The following HSPA4 variants were observed in gnomAD, a reference collection of about 807,000 sequenced individuals.
HSPA4 encodes heat shock 70 kDa protein 4.
A neutral mutation model predicts 106.2 loss-of-function variants in HSPA4; 25 were observed. The observed-to-expected ratio is 0.24, with a 90% CI of 0.17 to 0.33. The LOEUF (loss-of-function observed/expected upper bound fraction) is 0.33. Among genes scored for constraint, HSPA4 ranks in the 10% least tolerant of loss-of-function variants. The pLI is 1.00. For synonymous variants in HSPA4, 332 were observed against 333.6 expected, an observed-to-expected ratio of 1.00 and a Z score of 0.05; for missense variants, 841 against 996.0, an observed-to-expected ratio of 0.84 and a Z score of 2.10.
At chr5:133,095,478 T>C (rs1349837489) in intron 13 of HSPA4, among the ~76,000 whole-genome samples, 1 of 152,216 alleles carries the variant, frequency 6.6e-6, no homozygotes, top group South Asian at 2.1e-4. Flanking sequence ...AGTGAGATGA[T>C]GTTAAATGAA....
At chr5:133,063,189 T>C (rs1765266466) in intron 1 of HSPA4, among the ~76,000 whole-genome samples, 1 of 151,962 alleles carries the variant, frequency 6.6e-6, no homozygotes, top group Non-Finnish European at 1.5e-5. Context: ...CTCAGGCTCC[T>C]GGGTTCAGGT....
chr5:133,052,358 G>GT lies in HSPA4; in HGVS notation c.107+2dup. On this transcript the variant is annotated splice_donor_variant, in intron 1 of 18. Transcript: ENST00000304858. LOFTEE classifies it high-confidence loss of function. ...ATGAGTATAGCGACCGCTGCACGCC[G>GT]TAAGTGTGGGCCGGGCCTGCCGCGT... 1 of 1,538,008 alleles carries GT rather than the reference G, an allele frequency of 6.5e-7. No homozygotes were observed. The highest frequency in any genetic ancestry group is 8.8e-7 in the Non-Finnish European group (1 of 1,140,572).
rs547951405 is a variant in HSPA4 at position 133,087,975 on chromosome 5, G to A, written c.986-429G>A. ...GTTTATGCCTTGGATTAGAACACTG[G>A]AGTAGCTGGATGTGATTCTTCTTTT... is the stretch of plus-strand genomic sequence containing the variant. On this transcript the variant is annotated intron_variant, in intron 8 of 18. Transcript: ENST00000304858. 5.9e-5 allele frequency among the ~76,000 whole-genome samples: 9 copies of A among 152,306 alleles called. No individual in the cohort carries two copies. In the South Asian group the frequency reaches 1.4e-3, roughly 25 times the overall value.
Position 133,104,452 on chromosome 5 carries a change from C to T in HSPA4, c.*16C>T, listed in dbSNP as rs181140417. The T allele has an allele frequency of 6.2e-7, 1 of 1,604,118 alleles. No individual in the cohort carries two copies. Among genetic ancestry groups the T allele is most frequent in the East Asian group, 2.2e-5 (1 of 44,834 alleles). ...CATTGATTGATTCCAACACTTGTTT[C>T]TATTAAAACAGACTATTATAAAGCT... On this transcript the variant is annotated 3_prime_UTR_variant, in exon 19 of 19. Transcript: ENST00000304858.
At position 133,092,564 on chromosome 5, in the gene HSPA4, C is replaced by T; in HGVS notation, c.1561-136C>T. 9 of 666,820 alleles carry T rather than the reference C, an allele frequency of 1.3e-5. No homozygotes were observed. In the South Asian group the frequency reaches 1.6e-4, roughly 12 times the overall value. 41.3% of individuals were successfully genotyped at this position (666,820 alleles called of 1,614,324 possible). A position where few individuals can be genotyped will look rare whatever the true frequency, so the allele number is the denominator to read the frequency against. On this transcript the variant is annotated intron_variant, in intron 12 of 18. Coordinates refer to ENST00000304858, the MANE Select transcript of HSPA4 (RefSeq NM_002154.4). ...ACTTCTGTGTCCTAGGTAATGTGGC[C>T]TACCTGGAATTTTAGCATAGGCCTT...
chr5:133,073,910 T>C (rs1765415622), intron 5 of HSPA4, 83 bp from the exon 6 acceptor site: 1 of 891,606 alleles, frequency 1.1e-6, no homozygotes, highest in Non-Finnish European at 1.6e-6. Flanking sequence ...GCATTCGTTA[T>C]ATATAAAACC....
chr5:133,080,840 G>GTA (rs1285895230), intron 7 of HSPA4, among the ~76,000 whole-genome samples: 8 of 151,804 alleles, frequency 5.3e-5, no homozygotes, highest in Non-Finnish European at 1.0e-4. Flanking sequence ...TTCATTTCCT[G>GTA]TATCACTTTT....
chr5:133,095,509 G>A (rs1347606328), intron 13 of HSPA4, among the ~76,000 whole-genome samples: 1 of 152,188 alleles, frequency 6.6e-6, no homozygotes, highest in Non-Finnish European at 1.5e-5. Flanking sequence ...TGGACAGGGT[G>A]CAGTGGAATG....
chr5:133,055,806 G>A (rs1460759290), intron 1 of HSPA4, among the ~76,000 whole-genome samples: 2 of 152,186 alleles, frequency 1.3e-5, no homozygotes, highest in Non-Finnish European at 2.9e-5. Flanking sequence ...GACCTGGCAC[G>A]ATAGCTCATG....
Position 133,102,871 on chromosome 5 carries a change from C to T in HSPA4, c.2157+993C>T, listed in dbSNP as rs1446435765. ...CCTGCCTCAGCTACTTTCTAAGTAG[C>T]TGGGACTATAGGCACGTACCACCAC... On this transcript the variant is annotated intron_variant, in intron 17 of 18. Transcript: ENST00000304858. Among the ~76,000 whole-genome samples, 6 of 147,368 alleles carry T rather than the reference C, an allele frequency of 4.1e-5. No individual in the cohort carries two copies. The South Asian group carries it at 1.3e-3, about 32-fold the overall frequency.
intron 5 of HSPA4, among the ~76,000 whole-genome samples, 181 bp downstream of exon 5, chr5:133,073,510 T>C (rs113101498): frequency 7.9e-5 from 12 of 152,250 alleles, no homozygotes; most frequent in African/African-American, 2.9e-4. Flanking sequence ...CCAGTGCTTT[T>C]TGTGTACCTT....
chr5:133,062,574 T>A (rs956564530), intron 1 of HSPA4, among the ~76,000 whole-genome samples: 3 of 152,178 alleles, frequency 2.0e-5, no homozygotes, highest in Non-Finnish European at 4.4e-5. Flanking sequence ...GATTTTTTTT[T>A]ATTTATTTGC....
chr5:133,090,104 A>T (rs1395128774), intron 11 of HSPA4, among the ~76,000 whole-genome samples: 1 of 152,192 alleles, frequency 6.6e-6, no homozygotes, highest in African/African-American at 2.4e-5. Flanking sequence ...GGAGTTAACG[A>T]AATTCAGTTT....
In HSPA4 at chr5:133,052,042, C is replaced by T. The variant is rs1267970098; in HGVS notation, c.-209C>T. On this transcript the variant is annotated 5_prime_UTR_variant, in exon 1 of 19. Coordinates refer to ENST00000304858, the MANE Select transcript of HSPA4 (RefSeq NM_002154.4). ...TCTTCTCCGCCCCCGCTACCGGCGC[C>T]TCCTCTGCGGCCACTGAGCCGGAGC... 2 of 529,900 alleles carry T rather than the reference C, an allele frequency of 3.8e-6. No homozygotes were observed. 32.8% of individuals were successfully genotyped at this position (529,900 alleles called of 1,614,324 possible). A position where few individuals can be genotyped will look rare whatever the true frequency, so the allele number is the denominator to read the frequency against.
chr5:133,052,488 C>A, intron 1 of HSPA4, 131 bp downstream of exon 1: 1 of 617,804 alleles, frequency 1.6e-6, no homozygotes, highest in Non-Finnish European at 2.8e-6. Context: ...CCCGGTAGGT[C>A]AGGGACCCCC....
Position 133,057,268 on chromosome 5 carries a change from C to T in HSPA4, c.107+4911C>T, listed in dbSNP as rs183936480. ...GTTGTATGTGATAGTCTAATTATTG[C>T]GGTTTCTCTGAAAAGCTCATTTTCT... On this transcript the variant is annotated intron_variant, in intron 1 of 18. Coordinates refer to ENST00000304858, the MANE Select transcript of HSPA4 (RefSeq NM_002154.4). Among the ~76,000 whole-genome samples, 235 of 151,826 alleles carry T rather than the reference C, an allele frequency of 1.5e-3. 1 individual carries two copies. Among genetic ancestry groups the T allele is most frequent in the African/African-American group, 5.2e-3 (216 of 41,420 alleles).
At chr5:133,068,483 T>C (rs1330282838) in intron 3 of HSPA4, among the ~76,000 whole-genome samples, 1 of 151,982 alleles carries the variant, frequency 6.6e-6, no homozygotes, top group East Asian at 1.9e-4. Context: ...TACGGAGAGA[T>C]TTGGTTTTGG....
chr5:133,066,592 A>G (rs1765308008), intron 2 of HSPA4, among the ~76,000 whole-genome samples: 1 of 152,180 alleles, frequency 6.6e-6, no homozygotes, highest in Non-Finnish European at 1.5e-5. Flanking sequence ...GTTATTAACC[A>G]TTTAGGCTGT....
intron 3 of HSPA4, 45 bp from the exon 4 acceptor site, chr5:133,070,329 G>T (rs377670360): frequency 6.4e-7 from 1 of 1,572,182 alleles, no homozygotes; most frequent in Non-Finnish European, 8.6e-7. Flanking sequence ...AGGACATGAA[G>T]AAAGAAATAT....
Sources: gnomAD v4.1 joint callset for allele counts (sites outside exome capture counted in the v4.1 genomes callset) on GRCh38, gnomAD v4.1.1 for gene constraint, MANE v1.5 for transcripts, NCBI Gene and HGNC (gene_info 2026-07-23, HGNC 2026-07-21) for gene names.